The following DNER variants were observed in gnomAD, a reference collection of about 807,000 sequenced individuals.
The protein encoded by DNER is delta and Notch-like epidermal growth factor-related receptor.
DNER carries 33 observed loss-of-function variants against 78.2 expected under a neutral mutation model. That is an observed-to-expected ratio of 0.42 (90% CI 0.32 to 0.56). The LOEUF (loss-of-function observed/expected upper bound fraction) is 0.56. DNER is among the 20% of genes least tolerant of loss of function. DNER has a pLI of 0.11. For missense variants in DNER, 918 were observed against 975.3 expected (o/e 0.94, Z 0.78); for synonymous variants, 417 against 384.8 (o/e 1.08, Z -0.98).
At chr2:229,423,528 T>A (rs542542937) in intron 8 of DNER, among the ~76,000 whole-genome samples, 1 of 150,612 alleles carries the variant, frequency 6.6e-6, no homozygotes, top group South Asian at 2.1e-4. Flanking sequence ...GACACATGAA[T>A]CACTTGAACC....
intron 6 of DNER, among the ~76,000 whole-genome samples, chr2:229,482,725 A>G (rs1695191778): frequency 1.3e-5 from 2 of 152,232 alleles, no homozygotes; most frequent in African/African-American, 4.8e-5. Flanking sequence ...ATTACTGAAG[A>G]AAGTTAGCAA....
At chr2:229,568,185 G>A (rs913761205) in intron 4 of DNER, among the ~76,000 whole-genome samples, 1 of 152,068 alleles carries the variant, frequency 6.6e-6, no homozygotes, top group East Asian at 1.9e-4. Flanking sequence ...CGTGTTCCAA[G>A]AGGCCCCCTG....
intron 1 of DNER, among the ~76,000 whole-genome samples, chr2:229,623,463 C>T (rs192288918): frequency 1.3e-5 from 2 of 152,290 alleles, no homozygotes; most frequent in Non-Finnish European, 1.5e-5. Context: ...TGTTCCCCAC[C>T]CCCATACCTA....
chr2:229,665,521 C>T (rs570585000), intron 1 of DNER, among the ~76,000 whole-genome samples: 2 of 152,088 alleles, frequency 1.3e-5, no homozygotes, highest in South Asian at 2.1e-4. Context: ...GAAAATGTAA[C>T]ATTATGAGGA....
intron 8 of DNER, among the ~76,000 whole-genome samples, chr2:229,419,868 G>A (rs1693727197): frequency 6.7e-6 from 1 of 149,716 alleles, no homozygotes; most frequent in South Asian, 2.1e-4. Context: ...AAAATGTTTG[G>A]AGACATTTTT....
intron 8 of DNER, among the ~76,000 whole-genome samples, chr2:229,431,950 A>G (rs1354737694): frequency 1.3e-5 from 2 of 152,166 alleles, no homozygotes; most frequent in African/African-American, 4.8e-5. Flanking sequence ...AAATTCACCA[A>G]TATGTCCTCT....
At chr2:229,685,520 G>T (rs577831709) in intron 1 of DNER, among the ~76,000 whole-genome samples, 1 of 152,282 alleles carries the variant, frequency 6.6e-6, no homozygotes, top group South Asian at 2.1e-4. Flanking sequence ...CCATCCTATA[G>T]TCCCTGCTCA....
intron 4 of DNER, among the ~76,000 whole-genome samples, chr2:229,579,190 C>A (rs1359347376): frequency 6.6e-6 from 1 of 152,190 alleles, no homozygotes; most frequent in Non-Finnish European, 1.5e-5. Context: ...TGCCTTCCCT[C>A]CCTCTGGCAG....
chr2:229,399,891 T>C (rs539865245), intron 10 of DNER, among the ~76,000 whole-genome samples: 103 of 152,076 alleles, frequency 6.8e-4, no homozygotes, highest in African/African-American at 2.3e-3. Flanking sequence ...TGAGAAAAGA[T>C]TCTAACTATA....
Position 229,672,058 on chromosome 2 carries a change from T to C in DNER, c.276+42090A>G, listed in dbSNP as rs549660797. Among the ~76,000 whole-genome samples the C allele has an allele frequency of 5.3e-4, 81 of 152,326 alleles. 1 individual carries two copies. The highest frequency in any genetic ancestry group is 3.4e-3 in the Middle Eastern group (1 of 294). On this transcript the variant is annotated intron_variant, in intron 1 of 12. Coordinates refer to ENST00000341772, the MANE Select transcript of DNER (RefSeq NM_139072.4). The stretch of plus-strand genomic sequence containing the variant: ...TAGGCTGGTCTTTCTGTTATTTTGC[T>C]GTGTAACAAACTGCGTCAAAACTCA...
At chr2:229,500,865 C>T (rs1259399670) in intron 6 of DNER, among the ~76,000 whole-genome samples, 3 of 152,108 alleles carry the variant, frequency 2.0e-5, no homozygotes, top group Non-Finnish European at 4.4e-5. Flanking sequence ...CCCTTTCCAC[C>T]GAGTCCCCAA....
At chr2:229,469,338 A>G (rs1193010788) in intron 7 of DNER, among the ~76,000 whole-genome samples, 1 of 152,224 alleles carries the variant, frequency 6.6e-6, no homozygotes, top group African/African-American at 2.4e-5. Flanking sequence ...CTCAGGAATT[A>G]TCTGACAAAT....
At chr2:229,532,321 C>A (rs768781998) in intron 5 of DNER, among the ~76,000 whole-genome samples, 2 of 152,158 alleles carry the variant, frequency 1.3e-5, no homozygotes, top group Admixed American at 6.6e-5. Context: ...CCCACCTAAC[C>A]ATTCTGATAG....
chr2:229,655,943 G>T (rs1698904278), intron 1 of DNER, among the ~76,000 whole-genome samples: 1 of 152,058 alleles, frequency 6.6e-6, no homozygotes, highest in Non-Finnish European at 1.5e-5. Context: ...ACAACCCAAG[G>T]AATACCAGAA....
At chr2:229,707,025 T>C (rs1232143664) in intron 1 of DNER, among the ~76,000 whole-genome samples, 1 of 152,094 alleles carries the variant, frequency 6.6e-6, no homozygotes, top group Admixed American at 6.6e-5. Flanking sequence ...TTTGTGTTTT[T>C]TTTCCCCCGA....
intron 5 of DNER, among the ~76,000 whole-genome samples, chr2:229,524,323 T>TC (rs1486311850): frequency 1.3e-5 from 2 of 152,190 alleles, no homozygotes; most frequent in Non-Finnish European, 2.9e-5. Context: ...AGGCCTCACT[T>TC]CCGTAATAGG....
At chr2:229,660,610 G>A (rs1242484939) in intron 1 of DNER, among the ~76,000 whole-genome samples, 1 of 152,134 alleles carries the variant, frequency 6.6e-6, no homozygotes, top group Non-Finnish European at 1.5e-5. Context: ...ATGTGGTTGG[G>A]CAGAAAGGGA....
chr2:229,508,888 AAAGAAAAGAAAAGAAAAG>A (rs1183487106), intron 6 of DNER, among the ~76,000 whole-genome samples: 178 of 744 alleles, frequency 0.24, 1 homozygote, highest in Middle Eastern at 0.5. Context: ...CTCAAAAAGA[AAAGAAAAGAAAAGAAAAG>A]AAAAGAAAAG....
At chr2:229,556,419 C>T (rs1696856936) in intron 4 of DNER, among the ~76,000 whole-genome samples, 1 of 152,196 alleles carries the variant, frequency 6.6e-6, no homozygotes, top group Admixed American at 6.5e-5. Flanking sequence ...GGGTCCCTGG[C>T]AGGCATGTTT....
Sources: allele counts gnomAD v4.1 joint callset (sites outside exome capture counted in the v4.1 genomes callset), GRCh38; gene constraint gnomAD v4.1.1; transcripts MANE v1.5; gene names NCBI Gene and HGNC (gene_info 2026-07-23, HGNC 2026-07-21).